FMNL2: variants seen among roughly 807,000 people sequenced by gnomAD.
The protein encoded by FMNL2 is formin-like protein 2.
A neutral mutation model predicts 130.2 loss-of-function variants in FMNL2; 51 were observed. That is an observed-to-expected ratio of 0.39 (90% confidence interval 0.31 to 0.49). The LOEUF is 0.49. Among genes scored for constraint, FMNL2 ranks in the 20% least tolerant of loss-of-function variants. The probability of loss-of-function intolerance (pLI) is 0.85; values close to 1 mark genes in which losing one functional copy is unlikely to be tolerated. For synonymous variants in FMNL2, 465 were observed against 467.1 expected, an observed-to-expected ratio of 1.00 and a Z score of 0.06; for missense variants, 977 against 1,316.2, an observed-to-expected ratio of 0.74 and a Z score of 3.99.
chr2:152,347,802 T>G (rs973906781), intron 1 of FMNL2, among the ~76,000 whole-genome samples: 2 of 152,234 alleles, frequency 1.3e-5, no homozygotes, highest in African/African-American at 4.8e-5. Context: ...TGGCCACGTT[T>G]GTTGGTCTCT....
At chr2:152,403,797 C>T (rs528891706) in intron 1 of FMNL2, among the ~76,000 whole-genome samples, 189 of 152,282 alleles carry the variant, frequency 1.2e-3, no homozygotes, top group African/African-American at 4.5e-3. Flanking sequence ...GGGCCGGGCA[C>T]AGTGGCTCAC....
chr2:152,533,821 C>T (rs1693841107), intron 2 of FMNL2, among the ~76,000 whole-genome samples: 1 of 152,022 alleles, frequency 6.6e-6, no homozygotes, highest in Non-Finnish European at 1.5e-5. Context: ...ACAGGTCTTA[C>T]ACATATTTTA....
intron 1 of FMNL2, among the ~76,000 whole-genome samples, chr2:152,445,831 C>T (rs2106150181): frequency 6.6e-6 from 1 of 152,338 alleles, no homozygotes; most frequent in South Asian, 2.1e-4. Flanking sequence ...GAATTGCCAT[C>T]AGCCAGTCGT....
At chr2:152,575,373 T>A (rs900052140) in intron 7 of FMNL2, 129 bp downstream of exon 7, 2 of 497,496 alleles carry the variant, frequency 4.0e-6, no homozygotes, top group East Asian at 6.2e-5. Flanking sequence ...ATCCTACAAT[T>A]TATCTGTGTT....
At chr2:152,542,463 AGTT>A (rs1694364070) in intron 2 of FMNL2, among the ~76,000 whole-genome samples, 1 of 152,178 alleles carries the variant, frequency 6.6e-6, no homozygotes, top group Non-Finnish European at 1.5e-5. Context: ...CTGACTCTGG[AGTT>A]GAGCAGATGT....
intron 1 of FMNL2, among the ~76,000 whole-genome samples, chr2:152,465,353 C>G (rs990805170): frequency 6.6e-6 from 1 of 152,112 alleles, no homozygotes; most frequent in African/African-American, 2.4e-5. Flanking sequence ...CAAAGGAGCC[C>G]GAGAGCAGGA....
chr2:152,618,769 C>G, intron 13 of FMNL2, 77 bp from the exon 14 acceptor site: 2 of 1,286,074 alleles, frequency 1.6e-6, no homozygotes, highest in Non-Finnish European at 1.1e-6. Context: ...TTCTCTTTAT[C>G]CTCAGTTTGC....
intron 1 of FMNL2, among the ~76,000 whole-genome samples, chr2:152,442,991 A>C (rs751444974): frequency 2.6e-5 from 4 of 152,194 alleles, no homozygotes; most frequent in Non-Finnish European, 4.4e-5. Flanking sequence ...AGCAGGAATG[A>C]ATGGGCATTT....
intron 1 of FMNL2, among the ~76,000 whole-genome samples, chr2:152,407,075 C>T (rs1686021622): frequency 6.6e-6 from 1 of 152,106 alleles, no homozygotes. Context: ...CGATTAGAAA[C>T]CGAGCATCTG....
intron 3 of FMNL2, among the ~76,000 whole-genome samples, chr2:152,548,722 G>A (rs1229979972): frequency 7.2e-5 from 11 of 152,148 alleles, no homozygotes; most frequent in Non-Finnish European, 1.6e-4. Context: ...GAAACTGGAG[G>A]TAGTACTGGG....
intron 9 of FMNL2, among the ~76,000 whole-genome samples, chr2:152,599,720 T>C (rs907480589): frequency 1.3e-5 from 2 of 152,196 alleles, no homozygotes; most frequent in South Asian, 2.1e-4. Context: ...CCAGGATTGA[T>C]ACAAATGTTG....
chr2:152,619,657 C>A lies in FMNL2; in HGVS notation c.1776C>A (p.Pro592=), dbSNP rs772511843. Residue 592 remains proline, a synonymous_variant, in exon 15 of 26, where the codon CCC becomes CCA. Coordinates refer to ENST00000288670, the MANE Select transcript of FMNL2 (RefSeq NM_052905.4). ...CTCCTCCCTTAGCACCTCCCCTTCCCTCTGCACCTCCGCTGCCTGGAACAT... is the reference window on the plus strand; with the variant it reads ...CTCCTCCCTTAGCACCTCCCCTTCCATCTGCACCTCCGCTGCCTGGAACAT... ...VPAPPLAPPL[P]SAPPLPGTSS... is the part of the protein sequence containing the mutation. 2.5e-6 allele frequency: 4 copies of A among 1,611,854 alleles called. No homozygotes were observed. The highest frequency in any genetic ancestry group is 1.3e-5 in the African/African-American group (1 of 74,492).
intron 9 of FMNL2, among the ~76,000 whole-genome samples, chr2:152,599,311 G>A (rs967290684): frequency 6.6e-6 from 1 of 150,384 alleles, no homozygotes; most frequent in Non-Finnish European, 1.5e-5. Flanking sequence ...AAGCTAGAGA[G>A]GTTCAGGCTG....
chr2:152,388,396 C>T (rs1579543815), intron 1 of FMNL2, among the ~76,000 whole-genome samples: 1 of 152,262 alleles, frequency 6.6e-6, no homozygotes. Flanking sequence ...ACGCGTCCTT[C>T]TTCACGTGTC....
chr2:152,614,696 T>G lies in FMNL2; in HGVS notation c.1063-155T>G, dbSNP rs896055977. The stretch of plus-strand genomic sequence containing the variant: ...AGGTGAAGGTTGCAGTGAGCTGAAA[T>G]CATACCATTCCACTCCAGCCTGGGT... On this transcript the variant is annotated intron_variant, in intron 11 of 25. Coordinates refer to ENST00000288670, the MANE Select transcript of FMNL2 (RefSeq NM_052905.4). Among the ~76,000 whole-genome samples, 2 of 151,932 alleles carry G rather than the reference T, an allele frequency of 1.3e-5. 1 individual carries two copies. The highest frequency in any genetic ancestry group is 4.1e-4 in the South Asian group (2 of 4,824).
chr2:152,539,107 A>G (rs1421098491), intron 2 of FMNL2: 5 of 152,126 alleles, frequency 3.3e-5, no homozygotes, highest in African/African-American at 7.2e-5. Context: ...CTTGACATCA[A>G]TGATATAAGT....
At position 152,647,924 on chromosome 2, in the gene FMNL2, T is replaced by TG; in HGVS notation, c.*20dup. The TG allele has an allele frequency of 6.3e-7, 1 of 1,597,970 alleles. No individual in the cohort carries two copies. Among genetic ancestry groups the TG allele is most frequent in the Non-Finnish European group, 8.6e-7 (1 of 1,168,874 alleles). ...AATGTGAACCTGAGACTGGCCTGCA[T>TG]GAATACAGGGTGTGCGTGAATGAAA... is the stretch of plus-strand genomic sequence containing the variant. On this transcript the variant is annotated 3_prime_UTR_variant, in exon 26 of 26. Transcript: ENST00000288670.
chr2:152,629,961 A>T, intron 20 of FMNL2, 56 bp downstream of exon 20: 1 of 1,491,756 alleles, frequency 6.7e-7, no homozygotes, highest in Non-Finnish European at 9.2e-7. Flanking sequence ...GCTGGCAGAG[A>T]TGAAGTTAGG....
intron 6 of FMNL2, among the ~76,000 whole-genome samples, chr2:152,563,167 A>C: frequency 6.6e-6 from 1 of 152,204 alleles, no homozygotes; most frequent in East Asian, 1.9e-4. Context: ...TTCAAATTGG[A>C]AAGTCAGACC....
Sources: gnomAD v4.1 joint callset for allele counts (sites outside exome capture counted in the v4.1 genomes callset) on GRCh38, gnomAD v4.1.1 for gene constraint, MANE v1.5 for transcripts, NCBI Gene and HGNC (gene_info 2026-07-23, HGNC 2026-07-21) for gene names.